The following SYT14 variants were observed in gnomAD, a reference collection of about 807,000 sequenced individuals.
The protein encoded by SYT14 is synaptotagmin 14.
A neutral mutation model predicts 74.2 loss-of-function variants in SYT14; 32 were observed. That is an observed-to-expected ratio of 0.43 (90% CI 0.33 to 0.58). SYT14 has a LOEUF of 0.58. Ranked by LOEUF, SYT14 falls within the 20% of genes least tolerant of loss-of-function variation. SYT14 has a pLI of 0.05. For missense variants in SYT14, 791 were observed against 981.8 expected (o/e 0.81, Z 2.60); for synonymous variants, 298 against 337.7 (o/e 0.88, Z 1.29).
At chr1:210,102,048 T>C (rs1489072801) in intron 7 of SYT14, among the ~76,000 whole-genome samples, 1 of 152,212 alleles carries the variant, frequency 6.6e-6, no homozygotes, top group Non-Finnish European at 1.5e-5. Flanking sequence ...AGTACAATAA[T>C]TTCTGAGGAA....
chr1:210,013,701 C>G (rs1367414184), exon 3 of SYT14: 1 of 1,612,616 alleles, frequency 6.2e-7, no homozygotes, highest in Admixed American at 1.7e-5. Context: ...GCTCCTTTTT[C>G]TCTATATTAA....
intron 9 of SYT14, among the ~76,000 whole-genome samples, chr1:210,160,121 A>G (rs769410200): frequency 9.9e-5 from 15 of 152,202 alleles, no homozygotes; most frequent in Non-Finnish European, 2.1e-4. Flanking sequence ...CCTTTAATGC[A>G]TTTGGCTTCA....
chr1:210,092,215 G>A (rs1010133201), intron 5 of SYT14, among the ~76,000 whole-genome samples: 2 of 152,026 alleles, frequency 1.3e-5, no homozygotes, highest in Non-Finnish European at 2.9e-5. Context: ...CAAGTTTGGA[G>A]GTAGGTATTT....
At chr1:210,016,358 T>G (rs958552637) in exon 4 of SYT14, 12 of 1,231,936 alleles carry the variant, frequency 9.7e-6, no homozygotes, top group African/African-American at 1.6e-5. Flanking sequence ...AGAAAGAGTA[T>G]TTAAACATGT....
exon 10 of SYT14, chr1:210,162,516 A>T: frequency 2.9e-6 from 1 of 340,714 alleles, no homozygotes; most frequent in Non-Finnish European, 5.6e-6. Flanking sequence ...TTATCAGAGT[A>T]TGTTTTATAT....
chr1:210,146,630 A>G (rs1045036157), intron 7 of SYT14, among the ~76,000 whole-genome samples: 2 of 151,858 alleles, frequency 1.3e-5, no homozygotes, highest in African/African-American at 4.8e-5. Context: ...ATTTTCAGAA[A>G]TGTGATAGAC....
At position 210,040,366 on chromosome 1, in the gene SYT14, C is replaced by T. The variant is rs760167933; in HGVS notation, c.1312+19112C>T. Among the ~76,000 whole-genome samples, 24 of 151,668 alleles carry T rather than the reference C, an allele frequency of 1.6e-4. 1 individual carries two copies. Among genetic ancestry groups the T allele is most frequent in the Non-Finnish European group, 1.3e-4 (9 of 67,904 alleles). The stretch of plus-strand genomic sequence containing the variant: ...GGGAACATCACACACTGGGATCTGT[C>T]GGGGGGTGAGGGGCTAGGGGAGGTC... On this transcript the variant is annotated intron_variant, in intron 5 of 9. Transcript: ENST00000637265.
intron 2 of SYT14, among the ~76,000 whole-genome samples, chr1:209,992,375 T>C (rs1046984668): frequency 2.0e-5 from 3 of 152,174 alleles, no homozygotes; most frequent in African/African-American, 7.2e-5. Context: ...ATCTTGTCTT[T>C]TGCAGCAACA....
intron 5 of SYT14, among the ~76,000 whole-genome samples, chr1:210,080,781 C>T (rs995746381): frequency 3.3e-5 from 5 of 152,238 alleles, no homozygotes; most frequent in East Asian, 3.9e-4. Flanking sequence ...ATGGAAGCAA[C>T]GTGTGCTGTA....
intron 5 of SYT14, among the ~76,000 whole-genome samples, chr1:210,059,455 G>T (rs201907250): frequency 0.061 from 5,566 of 91,934 alleles, 116 homozygotes; most frequent in African/African-American, 0.076. Context: ...TATATATAGA[G>T]AGAGAGAGAG....
At chr1:210,134,854 T>C (rs1017314485) in intron 7 of SYT14, among the ~76,000 whole-genome samples, 1 of 152,182 alleles carries the variant, frequency 6.6e-6, no homozygotes, top group Admixed American at 6.5e-5. Context: ...TGCCAGTACT[T>C]CTTCAAATAT....
intron 1 of SYT14, among the ~76,000 whole-genome samples, chr1:209,947,259 T>C (rs1400060823): frequency 6.6e-6 from 1 of 152,208 alleles, no homozygotes; most frequent in Non-Finnish European, 1.5e-5. Flanking sequence ...ATATATTGTG[T>C]AAGGCTGTAG....
chr1:210,050,844 C>T (rs1349803947), intron 5 of SYT14, among the ~76,000 whole-genome samples: 1 of 152,160 alleles, frequency 6.6e-6, no homozygotes, highest in Non-Finnish European at 1.5e-5. Flanking sequence ...TGAGTTCCTC[C>T]CATGACACAC....
intron 2 of SYT14, among the ~76,000 whole-genome samples, chr1:210,004,523 T>A (rs1288646264): frequency 2.0e-5 from 3 of 152,074 alleles, no homozygotes; most frequent in Non-Finnish European, 2.9e-5. Flanking sequence ...TCATTGCTTA[T>A]CTTTTCTCTT....
intron 5 of SYT14, among the ~76,000 whole-genome samples, chr1:210,026,886 G>A (rs1184075929): frequency 6.6e-6 from 1 of 151,958 alleles, no homozygotes; most frequent in Admixed American, 6.6e-5. Flanking sequence ...AAGTGGAAAA[G>A]TACTAAAAAT....
chr1:210,041,837 C>T (rs534217987), intron 5 of SYT14, among the ~76,000 whole-genome samples: 3 of 152,068 alleles, frequency 2.0e-5, no homozygotes, highest in Admixed American at 6.6e-5. Flanking sequence ...GCCAGGGATC[C>T]ATGGTGAGCC....
At chr1:210,119,775 A>G (rs566508583) in intron 7 of SYT14, among the ~76,000 whole-genome samples, 33 of 152,318 alleles carry the variant, frequency 2.2e-4, no homozygotes, top group African/African-American at 7.9e-4. Flanking sequence ...GGTGTTGATT[A>G]TGCAAAGATG....
At chr1:210,064,725 C>G (rs1289176739) in intron 5 of SYT14, among the ~76,000 whole-genome samples, 1 of 152,040 alleles carries the variant, frequency 6.6e-6, no homozygotes, top group African/African-American at 2.4e-5. Flanking sequence ...ACTATAAACA[C>G]TGATGTGCAA....
At chr1:210,074,503 C>T (rs750041390) in intron 5 of SYT14, among the ~76,000 whole-genome samples, 3 of 152,084 alleles carry the variant, frequency 2.0e-5, no homozygotes, top group Non-Finnish European at 4.4e-5. Context: ...CCAACTGCTG[C>T]CCTAAAATTT....
Sources: gnomAD v4.1 joint callset for allele counts (sites outside exome capture counted in the v4.1 genomes callset) on GRCh38, gnomAD v4.1.1 for gene constraint, MANE v1.5 for transcripts, NCBI Gene and HGNC (gene_info 2026-07-23, HGNC 2026-07-21) for gene names.